SMAP2: variants seen among roughly 807,000 people sequenced by gnomAD.
The protein encoded by SMAP2 is small ArfGAP2.
Under a neutral mutation model 56.4 loss-of-function variants are expected in SMAP2, and 25 were observed. The observed-to-expected ratio is 0.44, with a 90% CI of 0.32 to 0.62. The LOEUF (loss-of-function observed/expected upper bound fraction) is 0.62, where lower values mean the gene tolerates loss of function less well. SMAP2 is among the 20% of genes least tolerant of loss of function. SMAP2 has a pLI of 0.04. For missense variants in SMAP2, 388 were observed against 545.6 expected (o/e 0.71, Z 2.88); for synonymous variants, 157 against 181.7 (o/e 0.86, Z 1.09).
chr1:40,372,636 G>A (rs1644504148), upstream of SMAP2, among the ~76,000 whole-genome samples: 1 of 152,172 alleles, frequency 6.6e-6, no homozygotes, highest in African/African-American at 2.4e-5. Context: ...GAAATGTTTA[G>A]TTTTCCTCTG....
At chr1:40,372,737 A>C (rs1484047220), upstream of SMAP2, among the ~76,000 whole-genome samples, 1 of 152,242 alleles carries the variant, frequency 6.6e-6, no homozygotes, top group Non-Finnish European at 1.5e-5. Context: ...AACTCTTAGC[A>C]TCTGCTTACT....
At position 40,408,659 on chromosome 1, in the gene SMAP2, C is replaced by T. The variant is rs1644907725; in HGVS notation, c.244C>T (p.Gln82Ter). ...QWTQEQIQCMQEMGNGKANRL... is the reference protein window; with the variant it reads ...QWTQEQIQCM ...ACATTCTCTTTGGTCACAGTGCATG[C>T]AAGAGATGGGAAATGGAAAGGCAAA... The change falls in exon 3 of 10, where the codon CAA (glutamine) becomes TAA (stop). Residue 82 changes from glutamine (Q) to a stop codon, truncating the protein, a stop_gained. Transcript: ENST00000372718. LOFTEE classifies it high-confidence loss of function. This position sits in a 1 kb window ranked among gnomAD's most constrained non-coding sequence, Gnocchi z 4.3. 6.2e-7 allele frequency: 1 copy of T among 1,613,312 alleles called. No homozygotes were observed. The highest frequency in any genetic ancestry group is 1.3e-5 in the African/African-American group (1 of 74,888).
At chr1:40,358,569 C>T (rs976627092) in intron 1 of SMAP2, among the ~76,000 whole-genome samples, 1 of 152,058 alleles carries the variant, frequency 6.6e-6, no homozygotes, top group African/African-American at 2.4e-5. Flanking sequence ...AAAAAACACA[C>T]ACAAAGTGCT....
rs1484278839 is a variant in SMAP2, at chr1:40,410,811, A to T, written c.402+976A>T. ...AACTAATGACAGCTAATGGAGAACC[A>T]ATAGATATGACTATTTATACCTTTA... On this transcript the variant is annotated intron_variant, in intron 4 of 9. Coordinates refer to ENST00000372718, the MANE Select transcript of SMAP2 (RefSeq NM_022733.3). Among the ~76,000 whole-genome samples the T allele has an allele frequency of 2.0e-5, 3 of 152,226 alleles. No individual in the cohort carries two copies. The East Asian group carries it at 5.8e-4, about 29-fold the overall frequency.
intron 1 of SMAP2, among the ~76,000 whole-genome samples, chr1:40,399,742 A>C (rs576791616): frequency 1.3e-5 from 2 of 151,640 alleles, no homozygotes; most frequent in East Asian, 3.9e-4. Flanking sequence ...TGAAAAAAAG[A>C]GTAAAGGGTA....
At chr1:40,390,887 A>G (rs567498994) in intron 1 of SMAP2, among the ~76,000 whole-genome samples, 1 of 152,364 alleles carries the variant, frequency 6.6e-6, no homozygotes, top group Non-Finnish European at 1.5e-5. Context: ...TGTTTGTTAC[A>G]GAACAAGAGA....
At chr1:40,413,451 C>G (rs1410803123) in intron 5 of SMAP2, among the ~76,000 whole-genome samples, 1 of 152,200 alleles carries the variant, frequency 6.6e-6, no homozygotes, top group Non-Finnish European at 1.5e-5. Flanking sequence ...CTTCTGTATC[C>G]CATTTTCTGA....
intron 1 of SMAP2, among the ~76,000 whole-genome samples, chr1:40,358,436 T>C (rs1644446192): frequency 6.6e-6 from 1 of 152,012 alleles, no homozygotes; most frequent in African/African-American, 2.4e-5. Context: ...CCCAGCTACT[T>C]GGGAGGCTAA....
intron 2 of SMAP2, among the ~76,000 whole-genome samples, chr1:40,366,452 G>C (rs1304819512): frequency 9.3e-6 from 1 of 107,762 alleles, no homozygotes; most frequent in Non-Finnish European, 1.9e-5. Context: ...CAGCCAGAGA[G>C]AAAGGTCGGG....
intron 3 of SMAP2, among the ~76,000 whole-genome samples, chr1:40,409,031 A>G (rs1644911208): frequency 6.6e-6 from 1 of 152,224 alleles, no homozygotes; most frequent in Admixed American, 6.5e-5. Flanking sequence ...TGGATCTCTG[A>G]AACTATTGTT....
At chr1:40,406,556 C>T (rs1644887878) in intron 1 of SMAP2, among the ~76,000 whole-genome samples, 180 bp from the exon 2 acceptor site, 1 of 152,168 alleles carries the variant, frequency 6.6e-6, no homozygotes, top group Admixed American at 6.5e-5. Flanking sequence ...GTATTGTACA[C>T]TTAAATTTAA....
chr1:40,406,585 C>T (rs1644888099), intron 1 of SMAP2, 151 bp from the exon 2 acceptor site: 7 of 743,960 alleles, frequency 9.4e-6, no homozygotes, highest in Admixed American at 9.3e-5. Context: ...AAAGCTGACA[C>T]ATGGAGGAAT....
At chr1:40,382,890 C>T (rs1396614056) in intron 1 of SMAP2, among the ~76,000 whole-genome samples, 2 of 152,110 alleles carry the variant, frequency 1.3e-5, no homozygotes, top group African/African-American at 4.8e-5. Context: ...ATTTTATCAT[C>T]TGTAAATGTT....
In SMAP2 at chr1:40,374,323, C is replaced by T. The variant is rs1402359008; in HGVS notation, c.103+100C>T. On this transcript the variant is annotated intron_variant, in intron 1 of 9. Transcript: ENST00000372718. The surrounding 1 kb of genome is among the most constrained non-coding windows in gnomAD (Gnocchi z 5.9). ...TTTCTGAAGCTTAGGCCGCCCAACT[C>T]GGCTTATAAGTGGTAACGCGTGCTG... 3.0e-6 allele frequency: 3 copies of T among 1,014,780 alleles called. No homozygotes were observed. Among genetic ancestry groups the T allele is most frequent in the East Asian group, 5.2e-5 (2 of 38,584 alleles). 62.9% of individuals were successfully genotyped at this position (1,014,780 alleles called of 1,614,324 possible). A position where few individuals can be genotyped will look rare whatever the true frequency, so the allele number is the denominator to read the frequency against.
intron 1 of SMAP2, among the ~76,000 whole-genome samples, chr1:40,347,865 G>C (rs1257987242): frequency 6.6e-6 from 1 of 152,188 alleles, no homozygotes; most frequent in Non-Finnish European, 1.5e-5. Context: ...GTGTGTGTGT[G>C]TGTGTCTGTG....
At chr1:40,371,890 A>G (rs1644498444), upstream of SMAP2, among the ~76,000 whole-genome samples, 1 of 152,234 alleles carries the variant, frequency 6.6e-6, no homozygotes, top group African/African-American at 2.4e-5. Flanking sequence ...CCCATTCTAT[A>G]GATGAAATAA....
Position 40,408,467 on chromosome 1 carries a change from A to G in SMAP2, c.238-186A>G, listed in dbSNP as rs568346713. Among the ~76,000 whole-genome samples, 2 of 152,330 alleles carry G rather than the reference A, an allele frequency of 1.3e-5. No individual in the cohort carries two copies. The highest frequency in any genetic ancestry group is 6.5e-5 in the Admixed American group (1 of 15,300). The stretch of plus-strand genomic sequence containing the variant: ...GTGGGGGAAAGACAGCTTGGGGCAA[A>G]TGATTGGGAAATCCTAGTAAGGTAG... On this transcript the variant is annotated intron_variant, in intron 2 of 9. Transcript: ENST00000372718. This position sits in a 1 kb window ranked among gnomAD's most constrained non-coding sequence, Gnocchi z 4.3.
At chr1:40,415,706 G>A (rs933929012) in intron 7 of SMAP2, among the ~76,000 whole-genome samples, 2 of 152,158 alleles carry the variant, frequency 1.3e-5, no homozygotes, top group Admixed American at 6.5e-5. Context: ...AACCTTTAAT[G>A]GCTACCATTC....
At chr1:40,414,497 T>C (rs946243068) in intron 6 of SMAP2, among the ~76,000 whole-genome samples, 5 of 152,270 alleles carry the variant, frequency 3.3e-5, no homozygotes, top group African/African-American at 1.2e-4. Flanking sequence ...TGTTACTTAC[T>C]GTCTGTGTGA....
Sources: gnomAD v4.1 joint callset for allele counts (sites outside exome capture counted in the v4.1 genomes callset) on GRCh38, gnomAD v4.1.1 for gene constraint, Gnocchi (gnomAD v3.1) non-coding constraint, MANE v1.5 for transcripts, NCBI Gene and HGNC (gene_info 2026-07-23, HGNC 2026-07-21) for gene names.